The following PIR variants were observed in gnomAD, a reference collection of about 807,000 sequenced individuals.
PIR encodes pirin.
A neutral mutation model predicts 24.2 loss-of-function variants in PIR; 22 were observed. That is an observed-to-expected ratio of 0.91 (90% CI 0.65 to 1.30). The LOEUF is 1.30. Ranked by LOEUF, PIR falls within the 50% of genes most tolerant of loss-of-function variation. The pLI is 0.00. For synonymous variants in PIR, 80 were observed against 79.6 expected (o/e 1.00, Z -0.03); for missense variants, 220 against 220.3 (o/e 1.00, Z 0.01).
At chrX:15,412,035 G>C (rs976069566) in intron 6 of PIR, among the ~76,000 whole-genome samples, 2 of 111,045 alleles carry the variant, frequency 1.8e-5, no homozygotes, top group Non-Finnish European at 3.8e-5. Flanking sequence ...TTTTCAGTAT[G>C]TATTTCCTAA....
chrX:15,419,465 A>C (rs1192165585), intron 6 of PIR, among the ~76,000 whole-genome samples: 2 of 109,826 alleles, frequency 1.8e-5, no homozygotes, highest in Non-Finnish European at 3.8e-5. Context: ...AGAACACTAT[A>C]ACTAAAAGTG....
At chrX:15,446,044 C>T (rs1486692399) in intron 5 of PIR, among the ~76,000 whole-genome samples, 2 of 109,169 alleles carry the variant, frequency 1.8e-5, no homozygotes, top group Non-Finnish European at 1.9e-5. Context: ...TTAGCCAGGA[C>T]GGTCTCTATC....
chrX:15,397,464 G>T lies in PIR; in HGVS notation c.678C>A (p.Val226=). 4 of 1,192,747 alleles carry T rather than the reference G, an allele frequency of 3.4e-6. No individual in the cohort carries two copies. The highest frequency in any genetic ancestry group is 3.4e-6 in the Non-Finnish European group (3 of 878,091). Residue 226 remains valine, a synonymous_variant, in exon 8 of 10, where the codon GTC becomes GTA. Transcript: ENST00000380420. ...ACATACTTACCTTGTTCTCCACCTG[G>T]ACACTGTCACCTTCTCCAAGCACTG... is the stretch of plus-strand genomic sequence containing the variant. ...HTAVLGEGDS[V]QVENKDPKRS... is the part of the protein sequence containing the mutation.
At chrX:15,403,591 C>CT (rs1180201435) in intron 7 of PIR, among the ~76,000 whole-genome samples, 2,143 of 104,658 alleles carry the variant, frequency 0.02, 58 homozygotes, top group African/African-American at 0.067. Flanking sequence ...TTTCTTTTGA[C>CT]TTTTTTTTTT....
chrX:15,398,627 C>A (rs1317063043), intron 7 of PIR, among the ~76,000 whole-genome samples: 1 of 106,702 alleles, frequency 9.4e-6, no homozygotes, highest in Admixed American at 1.0e-4. Flanking sequence ...GCCTTTAAAC[C>A]CATGTTTATC....
At chrX:15,464,496 G>A in intron 3 of PIR, 2 of 651,117 alleles carry the variant, frequency 3.1e-6, no homozygotes, top group Non-Finnish European at 3.7e-6. Context: ...ACTGGGGCTG[G>A]ATAGAAAGGC....
At chrX:15,465,476 T>C (rs1199463959) in intron 3 of PIR, among the ~76,000 whole-genome samples, 2 of 112,136 alleles carry the variant, frequency 1.8e-5, no homozygotes, top group African/African-American at 6.5e-5. Flanking sequence ...CATTACATAA[T>C]CACAAACACC....
chrX:15,405,410 C>T (rs901836517), intron 7 of PIR, among the ~76,000 whole-genome samples: 3 of 112,357 alleles, frequency 2.7e-5, no homozygotes, highest in East Asian at 2.8e-4. Flanking sequence ...CTGTGAGACA[C>T]GGGCAGGGCT....
intron 6 of PIR, among the ~76,000 whole-genome samples, chrX:15,416,241 T>C (rs1443864842): frequency 8.9e-6 from 1 of 112,040 alleles, no homozygotes; most frequent in Admixed American, 9.5e-5. Flanking sequence ...TAGTCTAATG[T>C]ACTGCTGGGA....
At chrX:15,419,343 CTGTGTGTGTGTGTGTG>C (rs34664851) in intron 6 of PIR, among the ~76,000 whole-genome samples, 87 of 78,292 alleles carry the variant, frequency 1.1e-3, no homozygotes, top group African/African-American at 3.6e-3. Context: ...ATGGATAAGT[CTGTGTGTGTGTGTGTG>C]TGTGTGTGTG....
chrX:15,394,348 CTG>C (rs1471390967), intron 8 of PIR, among the ~76,000 whole-genome samples: 1 of 112,010 alleles, frequency 8.9e-6, no homozygotes, highest in Non-Finnish European at 1.9e-5. Flanking sequence ...TGTTTTATTT[CTG>C]TCTTTCAATG....
At chrX:15,400,905 A>C (rs1396072340) in intron 7 of PIR, among the ~76,000 whole-genome samples, 2 of 107,999 alleles carry the variant, frequency 1.9e-5, no homozygotes, top group Non-Finnish European at 3.8e-5. Context: ...AGCCCGGCTA[A>C]TTTTTTGTAT....
intron 5 of PIR, among the ~76,000 whole-genome samples, chrX:15,453,277 C>T (rs1324363438): frequency 1.8e-5 from 2 of 111,940 alleles, no homozygotes; most frequent in Non-Finnish European, 3.8e-5. Flanking sequence ...TTCAAGTTAC[C>T]GTAAATTAAT....
At chrX:15,461,002 T>C (rs1219701015) in intron 3 of PIR, among the ~76,000 whole-genome samples, 1 of 112,217 alleles carries the variant, frequency 8.9e-6, no homozygotes, top group East Asian at 2.8e-4. Context: ...ACATTAGCCA[T>C]ACAATGTCTT....
At chrX:15,402,494 C>T (rs1170565957) in intron 7 of PIR, among the ~76,000 whole-genome samples, 2 of 111,735 alleles carry the variant, frequency 1.8e-5, no homozygotes, top group East Asian at 2.8e-4. Flanking sequence ...GAGTATCCAT[C>T]CCCTCAAGCA....
chrX:15,409,902 T>A, intron 6 of PIR, among the ~76,000 whole-genome samples: 1 of 110,974 alleles, frequency 9.0e-6, no homozygotes, highest in Non-Finnish European at 1.9e-5. Context: ...CAATTTGGTA[T>A]CTGTGTTTTC....
chrX:15,401,468 T>C (rs1276922768), intron 7 of PIR, among the ~76,000 whole-genome samples: 1 of 111,169 alleles, frequency 9.0e-6, no homozygotes, highest in Non-Finnish European at 1.9e-5. Context: ...AGGGTCACGG[T>C]CACAGAAAGC....
chrX:15,421,873 A>G (rs1925143079), intron 6 of PIR, among the ~76,000 whole-genome samples: 1 of 111,621 alleles, frequency 9.0e-6, no homozygotes, highest in Non-Finnish European at 1.9e-5. Flanking sequence ...TTGCTGATGA[A>G]CATAGATGCA....
intron 8 of PIR, among the ~76,000 whole-genome samples, chrX:15,390,465 C>A (rs1923923363): frequency 9.0e-6 from 1 of 111,084 alleles, no homozygotes; most frequent in Non-Finnish European, 1.9e-5. Context: ...GTCCAAGCCA[C>A]CAAAATATTA....
Sources: gnomAD v4.1 joint callset for allele counts (sites outside exome capture counted in the v4.1 genomes callset) on GRCh38, gnomAD v4.1.1 for gene constraint, MANE v1.5 for transcripts, NCBI Gene and HGNC (gene_info 2026-07-23, HGNC 2026-07-21) for gene names.